RYR2: variants seen among roughly 807,000 people sequenced by gnomAD.
The protein encoded by RYR2 is ryanodine receptor 2.
Under a neutral mutation model 601.1 loss-of-function variants are expected in RYR2, and 227 were observed. That is an observed-to-expected ratio of 0.38 (90% CI 0.34 to 0.42). The LOEUF is 0.42. Ranked by LOEUF, RYR2 falls within the 10% of genes least tolerant of loss-of-function variation. RYR2 has a pLI of 1.00. For missense variants in RYR2, 4,646 were observed against 6,156.5 expected, an observed-to-expected ratio of 0.75 and a Z score of 8.21; for synonymous variants, 2,223 against 2,175.1, an observed-to-expected ratio of 1.02 and a Z score of -0.61.
At chr1:237,359,611 A>G (rs1699598919) in intron 4 of RYR2, among the ~76,000 whole-genome samples, 1 of 152,180 alleles carries the variant, frequency 6.6e-6, no homozygotes, top group South Asian at 2.1e-4. Flanking sequence ...TCAAAGGTCC[A>G]TCAATCACTT....
At chr1:237,563,072 T>C (rs1359568072) in intron 27 of RYR2, among the ~76,000 whole-genome samples, 2 of 152,304 alleles carry the variant, frequency 1.3e-5, no homozygotes, top group Admixed American at 1.3e-4. Context: ...CTGTTGCTTC[T>C]TTAAAACGTA....
intron 2 of RYR2, among the ~76,000 whole-genome samples, chr1:237,305,589 G>A (rs1693790456): frequency 6.6e-6 from 1 of 152,116 alleles, no homozygotes. Context: ...GCGCCACCAA[G>A]CTGGGCTAAT....
chr1:237,280,805 G>T (rs1303336971), intron 2 of RYR2, among the ~76,000 whole-genome samples: 1 of 147,686 alleles, frequency 6.8e-6, no homozygotes, highest in African/African-American at 2.5e-5. Flanking sequence ...TGTTTTCTGA[G>T]ATGGAGTCTC....
In RYR2 at chr1:237,770,822, A is replaced by G; in HGVS notation, c.11492A>G (p.Gln3831Arg). 6.4e-7 allele frequency: 1 copy of G among 1,553,228 alleles called. No homozygotes were observed. Among genetic ancestry groups the G allele is most frequent in the Non-Finnish European group, 8.7e-7 (1 of 1,146,984 alleles). The stretch of plus-strand genomic sequence containing the variant: ...TTTCCCACAGGAGAAAAGGTTCTGC[A>G]GGACGATGAGTTCACCTGTGACCTC... ...TEEGSGEKVL[Q>R]DDEFTCDLFR... Residue 3831 changes from glutamine (Q) to arginine (R), a missense_variant, in exon 85 of 105, where the codon CAG becomes CGG. Physicochemically the swap from Gln to Arg is conservative, Grantham distance 43. Coordinates refer to ENST00000366574, the MANE Select transcript of RYR2 (RefSeq NM_001035.3).
At chr1:237,285,515 G>T (rs559103676) in intron 2 of RYR2, among the ~76,000 whole-genome samples, 1 of 152,140 alleles carries the variant, frequency 6.6e-6, no homozygotes, top group Non-Finnish European at 1.5e-5. Flanking sequence ...CCTGGTTTTG[G>T]TATTAGGGTG....
At chr1:237,516,344 C>T (rs897115178) in intron 24 of RYR2, among the ~76,000 whole-genome samples, 3 of 152,106 alleles carry the variant, frequency 2.0e-5, no homozygotes, top group Non-Finnish European at 4.4e-5. Context: ...GTCTCAAACC[C>T]CTGGCCTCAG....
chr1:237,452,381 T>C (rs1197709571), intron 14 of RYR2, among the ~76,000 whole-genome samples: 1 of 146,416 alleles, frequency 6.8e-6, no homozygotes, highest in East Asian at 2.0e-4. Context: ...ATATGTAAAG[T>C]ATATATTATA....
intron 24 of RYR2, among the ~76,000 whole-genome samples, chr1:237,526,278 A>G (rs1330347862): frequency 1.3e-5 from 2 of 151,052 alleles, no homozygotes; most frequent in South Asian, 2.1e-4. Context: ...TCATTTTTTA[A>G]TGTGTTTATT....
intron 10 of RYR2, among the ~76,000 whole-genome samples, chr1:237,409,003 G>A (rs1347953785): frequency 6.6e-6 from 1 of 151,994 alleles, no homozygotes; most frequent in South Asian, 2.1e-4. Context: ...ATTGATTTTT[G>A]TGTATTAATG....
At chr1:237,503,527 G>A in intron 22 of RYR2, 22 bp downstream of exon 22, 3 of 1,609,342 alleles carry the variant, frequency 1.9e-6, no homozygotes, top group South Asian at 2.2e-5. Flanking sequence ...CACTCGAATG[G>A]CAATCACTGG....
chr1:237,414,917 G>A (rs944115771), intron 10 of RYR2, among the ~76,000 whole-genome samples: 1 of 152,038 alleles, frequency 6.6e-6, no homozygotes, highest in African/African-American at 2.4e-5. Flanking sequence ...CCGAAGACTT[G>A]AGAGCCGCTT....
At chr1:237,483,062 A>G (rs1488812419) in intron 17 of RYR2, among the ~76,000 whole-genome samples, 2 of 152,114 alleles carry the variant, frequency 1.3e-5, no homozygotes, top group East Asian at 1.9e-4. Context: ...TCTCTCGCCA[A>G]GGTCTAACAG....
chr1:237,719,464 C>T (rs1310355648), intron 73 of RYR2, among the ~76,000 whole-genome samples: 2 of 152,050 alleles, frequency 1.3e-5, no homozygotes, highest in South Asian at 2.1e-4. Flanking sequence ...GGGGAGGTTC[C>T]AGGAAGCTTA....
At chr1:237,697,215 T>A (rs1281050139) in intron 63 of RYR2, among the ~76,000 whole-genome samples, 2 of 150,168 alleles carry the variant, frequency 1.3e-5, no homozygotes, top group African/African-American at 4.9e-5. Context: ...CTCAGATACA[T>A]GGATGGTTTA....
At chr1:237,178,170 T>G (rs2148937451) in intron 1 of RYR2, among the ~76,000 whole-genome samples, 1 of 152,330 alleles carries the variant, frequency 6.6e-6, no homozygotes, top group Non-Finnish European at 1.5e-5. Flanking sequence ...GGTGTTTATC[T>G]TTCTTCTGGA....
At chr1:237,449,822 A>T (rs770958516) in intron 14 of RYR2, among the ~76,000 whole-genome samples, 3 of 149,614 alleles carry the variant, frequency 2.0e-5, no homozygotes, top group Admixed American at 1.3e-4. Context: ...ATAGTTCTTT[A>T]TATGCCTGGT....
chr1:237,405,000 C>G (rs1703722439), intron 10 of RYR2, among the ~76,000 whole-genome samples: 1 of 152,190 alleles, frequency 6.6e-6, no homozygotes, highest in Non-Finnish European at 1.5e-5. Context: ...AACCCAGCCC[C>G]AACCAACACT....
At chr1:237,123,010 TA>T (rs1286340151) in intron 1 of RYR2, among the ~76,000 whole-genome samples, 1 of 152,226 alleles carries the variant, frequency 6.6e-6, no homozygotes, top group Non-Finnish European at 1.5e-5. Context: ...GTAAAGGCTA[TA>T]GGGGTGGATT....
intron 2 of RYR2, among the ~76,000 whole-genome samples, chr1:237,304,141 T>G (rs1209813783): frequency 6.6e-6 from 1 of 152,166 alleles, no homozygotes; most frequent in African/African-American, 2.4e-5. Context: ...TAGGTACAAG[T>G]TGACTACATG....
Sources: gnomAD v4.1 joint callset for allele counts (sites outside exome capture counted in the v4.1 genomes callset) on GRCh38, gnomAD v4.1.1 for gene constraint, MANE v1.5 for transcripts, NCBI Gene and HGNC (gene_info 2026-07-23, HGNC 2026-07-21) for gene names.